The following EHBP1 variants were observed in gnomAD, a reference collection of about 807,000 sequenced individuals.
The protein encoded by EHBP1 is EH domain-binding protein 1.
A neutral mutation model predicts 144.0 loss-of-function variants in EHBP1; 55 were observed. The ratio of observed to expected loss-of-function variants is 0.38; its 90% CI spans 0.31 to 0.48. EHBP1 has a LOEUF of 0.48. EHBP1 is among the 20% of genes least tolerant of loss of function. The pLI, the probability that EHBP1 is intolerant of heterozygous loss-of-function variation, is 0.98. For missense variants in EHBP1, 1,200 were observed against 1,364.2 expected, an observed-to-expected ratio of 0.88 and a Z score of 1.90; for synonymous variants, 469 against 472.7, an observed-to-expected ratio of 0.99 and a Z score of 0.10.
intron 10 of EHBP1, among the ~76,000 whole-genome samples, chr2:62,879,528 C>T (rs2152864498): frequency 6.9e-6 from 1 of 145,738 alleles, no homozygotes; most frequent in South Asian, 2.2e-4. Flanking sequence ...AAATTAAGAA[C>T]ACAGTCCTAT....
intron 4 of EHBP1, among the ~76,000 whole-genome samples, chr2:62,765,396 G>C (rs945720526): frequency 2.0e-5 from 3 of 152,042 alleles, no homozygotes; most frequent in African/African-American, 7.2e-5. Context: ...ATATGGTGCT[G>C]TTAAATATTT....
At chr2:62,697,148 T>C (rs2034128185) in intron 1 of EHBP1, among the ~76,000 whole-genome samples, 1 of 152,232 alleles carries the variant, frequency 6.6e-6, no homozygotes, top group Admixed American at 6.5e-5. Flanking sequence ...TCTCAGACAA[T>C]GTAATTTCAA....
intron 15 of EHBP1, among the ~76,000 whole-genome samples, chr2:62,986,399 C>T (rs1223260010): frequency 1.3e-5 from 2 of 151,506 alleles, no homozygotes; most frequent in Non-Finnish European, 2.9e-5. Context: ...CTTTTTTGCC[C>T]CCCTGGTGTG....
chr2:62,715,409 C>T (rs1050119705), intron 2 of EHBP1, among the ~76,000 whole-genome samples: 4 of 151,724 alleles, frequency 2.6e-5, no homozygotes, highest in African/African-American at 9.7e-5. Flanking sequence ...CCACCGTGCC[C>T]AGCCGAGTCA....
chr2:62,772,127 G>A (rs1279293980), intron 5 of EHBP1: 2 of 141,466 alleles, frequency 1.4e-5, no homozygotes, highest in African/African-American at 5.1e-5. Context: ...GAGAGCAAGA[G>A]AGAGAAAGAA....
At chr2:62,994,865 G>T (rs1422430978) in intron 18 of EHBP1, among the ~76,000 whole-genome samples, 1 of 152,010 alleles carries the variant, frequency 6.6e-6, no homozygotes, top group Non-Finnish European at 1.5e-5. Context: ...GAAGTATTTG[G>T]TATAACTTTT....
intron 14 of EHBP1, among the ~76,000 whole-genome samples, chr2:62,959,194 A>G (rs1397181721): frequency 6.6e-6 from 1 of 152,210 alleles, no homozygotes; most frequent in East Asian, 1.9e-4. Flanking sequence ...TATGTTGTAG[A>G]ATGTGACAGG....
intron 5 of EHBP1, among the ~76,000 whole-genome samples, chr2:62,796,826 CTT>C (rs113168998): frequency 1.5e-4 from 21 of 139,836 alleles, no homozygotes; most frequent in Middle Eastern, 3.7e-3. Flanking sequence ...TGACTTCTGA[CTT>C]TTTTTTTTTT....
intron 2 of EHBP1, among the ~76,000 whole-genome samples, chr2:62,715,870 G>C (rs2035622479): frequency 6.6e-6 from 1 of 152,126 alleles, no homozygotes; most frequent in Admixed American, 6.6e-5. Context: ...TTCAGCTACT[G>C]TATCTTTGGA....
chr2:63,018,715 A>G (rs1014175385), intron 19 of EHBP1, among the ~76,000 whole-genome samples: 43 of 152,234 alleles, frequency 2.8e-4, no homozygotes, highest in Non-Finnish European at 3.1e-4. Flanking sequence ...ATTTTCCACT[A>G]CTAGAAATTT....
At chr2:62,691,659 A>C (rs2151747014) in intron 1 of EHBP1, among the ~76,000 whole-genome samples, 1 of 152,286 alleles carries the variant, frequency 6.6e-6, no homozygotes, top group East Asian at 1.9e-4. Flanking sequence ...CACTACCTTA[A>C]TTTTACTGAT....
In EHBP1 at chr2:63,045,039, G is replaced by A. The variant is rs1559111967; in HGVS notation, c.3278-27G>A. On this transcript the variant is annotated intron_variant, in intron 21 of 22. Transcript: ENST00000431489. The surrounding 1 kb of genome is among the most constrained non-coding windows in gnomAD (Gnocchi z 5.7). ...CCGGGTGTTCGGAGGCCCTGCCGGT[G>A]GGTAACTAGCCTCCCGTCTTCTGCA... 1.3e-6 allele frequency: 2 copies of A among 1,515,330 alleles called. No individual in the cohort carries two copies. The highest frequency in any genetic ancestry group is 2.4e-5 in the South Asian group (2 of 83,246). 93.9% of individuals were successfully genotyped at this position (1,515,330 alleles called of 1,614,324 possible). A position where few individuals can be genotyped will look rare whatever the true frequency, so the allele number is the denominator to read the frequency against.
At chr2:62,874,277 T>C in intron 9 of EHBP1, 69 bp from the exon 10 acceptor site, 5 of 1,271,364 alleles carry the variant, frequency 3.9e-6, no homozygotes, top group Non-Finnish European at 1.1e-6. Flanking sequence ...TCAGTGCATG[T>C]TTTATTATTT....
chr2:62,887,573 CAA>C (rs1374767886), intron 10 of EHBP1, among the ~76,000 whole-genome samples: 6 of 53,134 alleles, frequency 1.1e-4, no homozygotes, highest in African/African-American at 2.2e-4. Context: ...TAGGTCTCCA[CAA>C]AAAAAAAAAA....
chr2:62,829,990 G>T (rs1419274407), intron 6 of EHBP1, among the ~76,000 whole-genome samples: 2 of 150,750 alleles, frequency 1.3e-5, no homozygotes, highest in Admixed American at 6.6e-5. Flanking sequence ...CCACTGCAGG[G>T]TATCTACCCA....
intron 12 of EHBP1, among the ~76,000 whole-genome samples, chr2:62,944,805 G>C (rs1463604800): frequency 6.6e-6 from 1 of 152,158 alleles, no homozygotes; most frequent in Non-Finnish European, 1.5e-5. Context: ...TGTGCATTCT[G>C]TGTGCAAAGA....
intron 9 of EHBP1, among the ~76,000 whole-genome samples, chr2:62,871,710 C>A (rs546358149): frequency 8.5e-5 from 13 of 152,144 alleles, no homozygotes; most frequent in Non-Finnish European, 1.6e-4. Context: ...ATTAAACTAT[C>A]ACAAATAAAT....
intron 2 of EHBP1, among the ~76,000 whole-genome samples, chr2:62,715,007 C>A (rs1476749578): frequency 6.6e-6 from 1 of 152,212 alleles, no homozygotes; most frequent in Non-Finnish European, 1.5e-5. Flanking sequence ...GCTAAGAAAA[C>A]TAACTTAATT....
chr2:62,958,750 C>T (rs986787242), intron 14 of EHBP1, among the ~76,000 whole-genome samples: 1 of 151,978 alleles, frequency 6.6e-6, no homozygotes. Context: ...ATTAAAAATA[C>T]GTAGTATGCT....
Sources: allele counts gnomAD v4.1 joint callset (sites outside exome capture counted in the v4.1 genomes callset), GRCh38; gene constraint gnomAD v4.1.1; non-coding constraint Gnocchi (gnomAD v3.1); transcripts MANE v1.5; gene names NCBI Gene and HGNC (gene_info 2026-07-23, HGNC 2026-07-21).